CNTNAP5: variants seen among roughly 807,000 people sequenced by gnomAD.
CNTNAP5 encodes the protein contactin associated protein family member 5, also known as contactin-associated protein-like 5.
In CNTNAP5, 72 loss-of-function variants were observed where a neutral mutation model predicts 150.2. The observed-to-expected ratio is 0.48, with a 90% CI of 0.40 to 0.58. CNTNAP5 has a LOEUF of 0.58. CNTNAP5 is among the 20% of genes least tolerant of loss of function. CNTNAP5 has a pLI of 0.00. For missense variants in CNTNAP5, 1,636 were observed against 1,626.2 expected, an observed-to-expected ratio of 1.01 and a Z score of -0.10; for synonymous variants, 672 against 619.8, an observed-to-expected ratio of 1.08 and a Z score of -1.25.
chr2:124,252,391 A>G (rs1319744281), intron 3 of CNTNAP5, among the ~76,000 whole-genome samples: 1 of 152,154 alleles, frequency 6.6e-6, no homozygotes, highest in Non-Finnish European at 1.5e-5. Context: ...CAAAGCTGCA[A>G]TGCTGGCATA....
At chr2:124,239,996 TA>T (rs201620929) in intron 2 of CNTNAP5, among the ~76,000 whole-genome samples, 1,507 of 147,100 alleles carry the variant, frequency 0.01, 22 homozygotes, top group African/African-American at 0.035. Context: ...TGGAGTTTTA[TA>T]AACTGTTTTT....
At chr2:124,334,836 T>A (rs866896464) in intron 3 of CNTNAP5, among the ~76,000 whole-genome samples, 25 of 152,198 alleles carry the variant, frequency 1.6e-4, no homozygotes, top group Middle Eastern at 3.4e-3. Flanking sequence ...TTTTTTCAAA[T>A]ATAGAAGACT....
chr2:124,606,467 A>C (rs184071280), intron 11 of CNTNAP5, among the ~76,000 whole-genome samples: 1 of 152,326 alleles, frequency 6.6e-6, no homozygotes, highest in Non-Finnish European at 1.5e-5. Flanking sequence ...TCTGTGCAGA[A>C]GGGAAGTTGG....
At chr2:124,723,089 G>A (rs1248814408) in intron 13 of CNTNAP5, among the ~76,000 whole-genome samples, 1 of 152,082 alleles carries the variant, frequency 6.6e-6, no homozygotes, top group Non-Finnish European at 1.5e-5. Context: ...TGGCAATATG[G>A]ACAGGCTGAT....
intron 1 of CNTNAP5, among the ~76,000 whole-genome samples, chr2:124,080,391 A>T (rs543548283): frequency 1.3e-5 from 2 of 152,250 alleles, no homozygotes; most frequent in East Asian, 3.9e-4. Flanking sequence ...TAAACAAATG[A>T]CTCTTAAATT....
intron 7 of CNTNAP5, among the ~76,000 whole-genome samples, chr2:124,496,105 A>G (rs1694136827): frequency 6.6e-6 from 1 of 152,156 alleles, no homozygotes; most frequent in South Asian, 2.1e-4. Context: ...AAGGTGGCCC[A>G]TATGAACTGC....
intron 19 of CNTNAP5, among the ~76,000 whole-genome samples, chr2:124,804,030 G>C (rs1199536066): frequency 6.6e-6 from 1 of 152,090 alleles, no homozygotes; most frequent in Non-Finnish European, 1.5e-5. Context: ...TCAGTCTCTG[G>C]GCTTGTGTCA....
intron 14 of CNTNAP5, among the ~76,000 whole-genome samples, chr2:124,758,419 A>G (rs919734788): frequency 6.6e-6 from 1 of 151,998 alleles, no homozygotes; most frequent in South Asian, 2.1e-4. Context: ...AAATAAATAT[A>G]TATTCATGAA....
intron 3 of CNTNAP5, among the ~76,000 whole-genome samples, chr2:124,337,451 A>G (rs551525245): frequency 6.6e-6 from 1 of 152,000 alleles, no homozygotes; most frequent in African/African-American, 2.4e-5. Flanking sequence ...CCTTGCCCAT[A>G]CCTATGTCCA....
chr2:124,210,770 G>A (rs1243491105), intron 1 of CNTNAP5, among the ~76,000 whole-genome samples: 2 of 152,214 alleles, frequency 1.3e-5, no homozygotes, highest in East Asian at 3.9e-4. Flanking sequence ...CCTACTGCCT[G>A]TATAAGTGCA....
At chr2:124,640,408 C>G (rs975059232) in intron 12 of CNTNAP5, among the ~76,000 whole-genome samples, 5 of 152,204 alleles carry the variant, frequency 3.3e-5, no homozygotes, top group African/African-American at 4.8e-5. Context: ...GCCCGCCACG[C>G]TGCGGTGTCT....
intron 1 of CNTNAP5, among the ~76,000 whole-genome samples, chr2:124,026,884 C>A (rs959215441): frequency 1.3e-5 from 2 of 152,314 alleles, no homozygotes; most frequent in South Asian, 2.1e-4. Context: ...TCCTAGAGGA[C>A]CCTGTGCATT....
At chr2:124,544,410 G>A (rs1317160643) in intron 10 of CNTNAP5, among the ~76,000 whole-genome samples, 1 of 152,050 alleles carries the variant, frequency 6.6e-6, no homozygotes, top group Non-Finnish European at 1.5e-5. Flanking sequence ...ACATCAATGG[G>A]GAATAATAGA....
At chr2:124,654,893 G>T (rs2105035931) in intron 13 of CNTNAP5, among the ~76,000 whole-genome samples, 1 of 151,524 alleles carries the variant, frequency 6.6e-6, no homozygotes, top group South Asian at 2.1e-4. Context: ...ACATCTGGAA[G>T]ACAAAATATC....
At chr2:124,323,695 G>T (rs1370780691) in intron 3 of CNTNAP5, among the ~76,000 whole-genome samples, 1 of 152,130 alleles carries the variant, frequency 6.6e-6, no homozygotes, top group Non-Finnish European at 1.5e-5. Context: ...GCCAACCCCT[G>T]CCTCCTGAGG....
At chr2:124,560,481 T>G (rs2104927818) in intron 10 of CNTNAP5, among the ~76,000 whole-genome samples, 1 of 143,540 alleles carries the variant, frequency 7.0e-6, no homozygotes, top group East Asian at 2.2e-4. Flanking sequence ...ATCTTGCCAC[T>G]GCACTCCAGC....
chr2:124,221,156 T>G (rs1436959954), intron 1 of CNTNAP5, among the ~76,000 whole-genome samples: 1 of 152,158 alleles, frequency 6.6e-6, no homozygotes, highest in Non-Finnish European at 1.5e-5. Flanking sequence ...CTTCACGGAA[T>G]AGAAATAAGT....
chr2:124,252,860 G>A (rs1687220849), intron 3 of CNTNAP5, among the ~76,000 whole-genome samples: 1 of 151,828 alleles, frequency 6.6e-6, no homozygotes, highest in African/African-American at 2.4e-5. Flanking sequence ...ATTTATTTTT[G>A]GAAATTGAAA....
At chr2:124,280,065 A>G (rs1482578467) in intron 3 of CNTNAP5, among the ~76,000 whole-genome samples, 1 of 152,030 alleles carries the variant, frequency 6.6e-6, no homozygotes, top group African/African-American at 2.4e-5. Flanking sequence ...GAAAATTCCT[A>G]CTGCATGTGT....
Sources: gnomAD v4.1 joint callset for allele counts (sites outside exome capture counted in the v4.1 genomes callset) on GRCh38, gnomAD v4.1.1 for gene constraint, MANE v1.5 for transcripts, NCBI Gene and HGNC (gene_info 2026-07-23, HGNC 2026-07-21) for gene names.